The following CNTNAP3 variants were observed in gnomAD, a reference collection of about 807,000 sequenced individuals.
CNTNAP3 encodes the protein contactin associated protein family member 3.
In CNTNAP3, 36 loss-of-function variants were observed where a neutral mutation model predicts 92.1. The ratio of observed to expected loss-of-function variants is 0.39; its 90% CI spans 0.30 to 0.52. CNTNAP3 has a LOEUF of 0.52. CNTNAP3 is among the 20% of genes least tolerant of loss of function. CNTNAP3 has a pLI of 0.76. For missense variants in CNTNAP3, 534 were observed against 1,069.6 expected (o/e 0.50, Z 6.98); for synonymous variants, 232 against 422.3 (o/e 0.55, Z 5.53).
At chr9:39,103,512 G>A (rs1286029333) in intron 16 of CNTNAP3, among the ~76,000 whole-genome samples, 2 of 151,968 alleles carry the variant, frequency 1.3e-5, no homozygotes, top group South Asian at 2.1e-4. Flanking sequence ...AACCCAGGAG[G>A]CTGAGGTTGC....
At chr9:39,112,496 G>T (rs574609586) in intron 14 of CNTNAP3, among the ~76,000 whole-genome samples, 115 of 152,200 alleles carry the variant, frequency 7.6e-4, no homozygotes, top group African/African-American at 2.6e-3. Flanking sequence ...CTCCAGAGTA[G>T]CTGGGATTAC....
chr9:39,097,124 T>C (rs1457772298), intron 18 of CNTNAP3, among the ~76,000 whole-genome samples: 3 of 152,146 alleles, frequency 2.0e-5, no homozygotes, highest in Non-Finnish European at 4.4e-5. Flanking sequence ...GCTGACTCTT[T>C]TTTCTTTTCT....
chr9:39,113,155 C>G (rs1184859021), intron 14 of CNTNAP3, among the ~76,000 whole-genome samples: 1 of 152,030 alleles, frequency 6.6e-6, no homozygotes, highest in Non-Finnish European at 1.5e-5. Flanking sequence ...CAACCTTCCT[C>G]TCTGTGTGAT....
chr9:39,129,566 G>A (rs1483010822), intron 13 of CNTNAP3, among the ~76,000 whole-genome samples: 4 of 152,156 alleles, frequency 2.6e-5, no homozygotes, highest in African/African-American at 9.7e-5. Flanking sequence ...TGGAATTTAG[G>A]GTTAGGTAAA....
rs1299183197 is a variant in CNTNAP3, at chr9:39,067,614, T to G, written c.*6276A>C. On this transcript the variant is annotated 3_prime_UTR_variant, in exon 24 of 24. Coordinates refer to ENST00000297668, the MANE Select transcript of CNTNAP3 (RefSeq NM_033655.5). ...GGTTTCCACCTTGTTAGCAGGATGG[T>G]CTCCATCTCCCGACCTCGTGATCTG... Among the ~76,000 whole-genome samples, 3 of 152,308 alleles carry G rather than the reference T, an allele frequency of 2.0e-5. No homozygotes were observed. The highest frequency in any genetic ancestry group is 2.1e-4 in the South Asian group (1 of 4,838).
At chr9:39,135,294 A>C (rs902686913) in intron 12 of CNTNAP3, among the ~76,000 whole-genome samples, 1 of 151,906 alleles carries the variant, frequency 6.6e-6, no homozygotes, top group African/African-American at 2.4e-5. Flanking sequence ...TTTATTAGAG[A>C]TAGGGTCTCC....
chr9:39,105,145 C>A (rs145193505), intron 15 of CNTNAP3, among the ~76,000 whole-genome samples: 1 of 152,110 alleles, frequency 6.6e-6, no homozygotes, highest in Non-Finnish European at 1.5e-5. Context: ...TAGCTTTTCT[C>A]GGCTAGGTGC....
intron 9 of CNTNAP3, among the ~76,000 whole-genome samples, chr9:39,151,845 A>G (rs1444868828): frequency 6.7e-6 from 1 of 148,260 alleles, no homozygotes; most frequent in Non-Finnish European, 1.5e-5. Flanking sequence ...GTCTCTTTCA[A>G]ACTTGTGAGA....
At chr9:39,107,716 A>G (rs1826642020) in intron 15 of CNTNAP3, among the ~76,000 whole-genome samples, 1 of 152,222 alleles carries the variant, frequency 6.6e-6, no homozygotes, top group African/African-American at 2.4e-5. Context: ...CAAAGAGATT[A>G]AAGCCATTGG....
intron 13 of CNTNAP3, among the ~76,000 whole-genome samples, chr9:39,132,166 A>G (rs1381993516): frequency 6.6e-6 from 1 of 152,126 alleles, no homozygotes; most frequent in Non-Finnish European, 1.5e-5. Context: ...TAAAACTAAA[A>G]AAAGAAAGGC....
rs373512040 is a variant in CNTNAP3 at position 39,105,238 on chromosome 9, T to C, written c.2366-1324A>G. Among the ~76,000 whole-genome samples, 392 of 152,234 alleles carry C rather than the reference T, an allele frequency of 2.6e-3. 3 individuals carry two copies. The highest frequency in any genetic ancestry group is 8.9e-3 in the African/African-American group (368 of 41,544). ...GTCAGGAGATCCAGACCATCCTGGCTAACATGGTGAAACCCCGTCTCTACT... is the reference window on the plus strand; with the variant it reads ...GTCAGGAGATCCAGACCATCCTGGCCAACATGGTGAAACCCCGTCTCTACT... On this transcript the variant is annotated intron_variant, in intron 15 of 23. Transcript: ENST00000297668.
chr9:39,117,307 A>G (rs1820882547), intron 14 of CNTNAP3, among the ~76,000 whole-genome samples: 1 of 152,050 alleles, frequency 6.6e-6, no homozygotes, highest in South Asian at 2.1e-4. Context: ...TTTTTTTTAA[A>G]GCACGTACTC....
intron 16 of CNTNAP3, among the ~76,000 whole-genome samples, chr9:39,103,465 C>T (rs1026450955): frequency 6.6e-6 from 1 of 151,678 alleles, no homozygotes; most frequent in African/African-American, 2.4e-5. Flanking sequence ...GCCTATAGTC[C>T]CAGCTACTCA....
chr9:39,120,032 C>T (rs1820972682), intron 13 of CNTNAP3, among the ~76,000 whole-genome samples: 1 of 152,062 alleles, frequency 6.6e-6, no homozygotes, highest in Admixed American at 6.6e-5. Flanking sequence ...TGAAAGAGTA[C>T]TGAAAAAATA....
At chr9:39,132,730 G>C (rs905860226) in intron 13 of CNTNAP3, among the ~76,000 whole-genome samples, 14 of 152,166 alleles carry the variant, frequency 9.2e-5, no homozygotes, top group Non-Finnish European at 2.1e-4. Context: ...TGAACGCGCT[G>C]AACGTCTCTC....
Position 39,071,613 on chromosome 9 carries a change from T to G in CNTNAP3, c.*2277A>C, listed in dbSNP as rs1424964658. Among the ~76,000 whole-genome samples the G allele has an allele frequency of 6.6e-6, 1 of 152,090 alleles. No homozygotes were observed. Among genetic ancestry groups the G allele is most frequent in the Admixed American group, 6.6e-5 (1 of 15,262 alleles). On this transcript the variant is annotated 3_prime_UTR_variant, in exon 24 of 24. Transcript: ENST00000297668. ...GGGTGTTACTTGCAACTAGCATCTA[T>G]GTATCTAAATAACGTTTAGTGACTT...
chr9:39,091,657 A>C (rs1826205417), intron 18 of CNTNAP3, among the ~76,000 whole-genome samples: 1 of 151,858 alleles, frequency 6.6e-6, no homozygotes. Context: ...CTGTAGATTT[A>C]AAATATATAT....
At chr9:39,084,505 A>AT (rs533501660) in intron 21 of CNTNAP3, among the ~76,000 whole-genome samples, 204 of 152,240 alleles carry the variant, frequency 1.3e-3, no homozygotes, top group Non-Finnish European at 1.9e-3. Context: ...CTCACCAAAT[A>AT]TTTTTAAATG....
rs1165716160 is a variant in CNTNAP3 at position 39,070,859 on chromosome 9, A to G, written c.*3031T>C. Reference sequence around the variant, plus strand: ...TTTCCCATCAAATATTCTTTCAGAGAAGATGTGAACAAAGATCCAGAATTA... The same window carrying G: ...TTTCCCATCAAATATTCTTTCAGAGGAGATGTGAACAAAGATCCAGAATTA... On this transcript the variant is annotated 3_prime_UTR_variant, in exon 24 of 24. Transcript: ENST00000297668. 6.6e-6 allele frequency among the ~76,000 whole-genome samples: 1 copy of G among 152,254 alleles called. No homozygotes were observed. Among genetic ancestry groups the G allele is most frequent in the African/African-American group, 2.4e-5 (1 of 41,482 alleles).
Sources: gnomAD v4.1 joint callset for allele counts (sites outside exome capture counted in the v4.1 genomes callset) on GRCh38, gnomAD v4.1.1 for gene constraint, MANE v1.5 for transcripts, NCBI Gene and HGNC (gene_info 2026-07-23, HGNC 2026-07-21) for gene names.